The following PCDH15 variants were observed in gnomAD, a reference collection of about 807,000 sequenced individuals.
PCDH15 encodes protocadherin-15.
Under a neutral mutation model 178.5 loss-of-function variants are expected in PCDH15, and 129 were observed. The observed-to-expected ratio is 0.72, with a 90% CI of 0.63 to 0.84. The LOEUF (loss-of-function observed/expected upper bound fraction) is 0.84, where lower values mean the gene tolerates loss of function less well. PCDH15 is among the 40% of genes least tolerant of loss of function. The pLI is 0.00. For synonymous variants in PCDH15, 800 were observed against 732.0 expected (o/e 1.09, Z -1.50); for missense variants, 2,230 against 2,099.9 (o/e 1.06, Z -1.21).
intron 21 of PCDH15, among the ~76,000 whole-genome samples, chr10:53,990,682 T>C (rs1182258593): frequency 6.6e-6 from 1 of 151,984 alleles, no homozygotes; most frequent in East Asian, 1.9e-4. Flanking sequence ...TCTCAGCGCC[T>C]CCTCGGACTC....
intron 1 of PCDH15, among the ~76,000 whole-genome samples, chr10:55,217,623 A>G (rs1295617680): frequency 6.6e-6 from 1 of 151,930 alleles, no homozygotes; most frequent in Non-Finnish European, 1.5e-5. Flanking sequence ...ATAATGCTGA[A>G]TCATAATAGA....
chr10:55,407,964 A>C lies in PCDH15; in HGVS notation c.-156+219661T>G, dbSNP rs567224531. ...GGATGTAGGTGGAGGAGAACATGTAAGCTGCAAAAAGGGATCAAAGGAGAT... is the reference window on the plus strand; with the variant it reads ...GGATGTAGGTGGAGGAGAACATGTACGCTGCAAAAAGGGATCAAAGGAGAT... On this transcript the variant is annotated intron_variant, in intron 2 of 5. Coordinates refer to the PCDH15 transcript ENST00000613346. 2.4e-4 allele frequency among the ~76,000 whole-genome samples: 37 copies of C among 152,234 alleles called. 3 individuals carry two copies. The South Asian group carries it at 7.7e-3, about 32-fold the overall frequency.
At chr10:53,985,462 T>C (rs1382456067) in intron 21 of PCDH15, among the ~76,000 whole-genome samples, 1 of 152,152 alleles carries the variant, frequency 6.6e-6, no homozygotes, top group Non-Finnish European at 1.5e-5. Flanking sequence ...GACTCTGTAG[T>C]AAAGATGGCT....
chr10:54,309,050 C>T (rs1036760023), intron 8 of PCDH15, among the ~76,000 whole-genome samples: 10 of 152,034 alleles, frequency 6.6e-5, no homozygotes, highest in African/African-American at 2.2e-4. Context: ...TCATTGATCA[C>T]TTTGCTGGCC....
At chr10:55,447,430 A>T (rs1035573497) in intron 2 of PCDH15, among the ~76,000 whole-genome samples, 5 of 152,040 alleles carry the variant, frequency 3.3e-5, no homozygotes, top group African/African-American at 1.2e-4. Flanking sequence ...CTTCCTTAAT[A>T]AGCCCTTTGA....
intron 2 of PCDH15, among the ~76,000 whole-genome samples, chr10:54,939,448 C>A: frequency 7.0e-6 from 1 of 143,132 alleles, no homozygotes; most frequent in Non-Finnish European, 1.5e-5. Flanking sequence ...TGAGCCGAGA[C>A]CTCGCCACTG....
At chr10:54,980,044 G>A (rs1839191231) in intron 2 of PCDH15, among the ~76,000 whole-genome samples, 1 of 152,076 alleles carries the variant, frequency 6.6e-6, no homozygotes, top group Non-Finnish European at 1.5e-5. Context: ...CAGTAAATGG[G>A]CAATGATTGG....
chr10:55,299,011 G>A (rs1265375909), intron 1 of PCDH15, among the ~76,000 whole-genome samples: 2 of 152,118 alleles, frequency 1.3e-5, no homozygotes, highest in Admixed American at 1.3e-4. Flanking sequence ...GCAATGAGAT[G>A]GCTACTTACA....
intron 1 of PCDH15, among the ~76,000 whole-genome samples, chr10:55,279,101 C>T (rs1564961894): frequency 6.6e-6 from 1 of 152,268 alleles, no homozygotes; most frequent in East Asian, 1.9e-4. Context: ...GAGTGAGAGC[C>T]ATTCCGTTTA....
intron 18 of PCDH15, among the ~76,000 whole-genome samples, chr10:54,058,650 C>A (rs2093950194): frequency 6.6e-6 from 1 of 151,850 alleles, no homozygotes; most frequent in Non-Finnish European, 1.5e-5. Flanking sequence ...TACAACCAAA[C>A]CATATCTGCT....
At chr10:55,514,555 C>T (rs1002922652) in intron 2 of PCDH15, among the ~76,000 whole-genome samples, 1 of 152,078 alleles carries the variant, frequency 6.6e-6, no homozygotes, top group Non-Finnish European at 1.5e-5. Context: ...CGTAGACAGC[C>T]GTGTAAAAAT....
intron 2 of PCDH15, among the ~76,000 whole-genome samples, chr10:55,033,113 T>C (rs561739696): frequency 6.6e-6 from 1 of 152,212 alleles, no homozygotes; most frequent in African/African-American, 2.4e-5. Context: ...CTTCAAGTGA[T>C]ACCTCAGAGA....
chr10:55,372,016 T>C (rs1483903893), intron 2 of PCDH15, among the ~76,000 whole-genome samples: 1 of 152,116 alleles, frequency 6.6e-6, no homozygotes, highest in Non-Finnish European at 1.5e-5. Context: ...ACAAGTGAGC[T>C]GGAAGCATAG....
At chr10:54,859,761 C>A (rs1953807991) in intron 3 of PCDH15, among the ~76,000 whole-genome samples, 2 of 151,348 alleles carry the variant, frequency 1.3e-5, no homozygotes, top group African/African-American at 4.8e-5. Context: ...AATAAATTTG[C>A]TATGCTGATT....
Position 54,180,416 on chromosome 10 carries a change from G to A in PCDH15, c.1590+3028C>T, listed in dbSNP as rs137961355. The stretch of plus-strand genomic sequence containing the variant: ...TATGCACTCACATCAGGCTAAAAGA[G>A]TCTCATGGCTACATTGAAAATGACA... On this transcript the variant is annotated intron_variant, in intron 13 of 37. Transcript: ENST00000644397. 1.4e-3 allele frequency among the ~76,000 whole-genome samples: 216 copies of A among 152,288 alleles called. 1 individual carries two copies. Among genetic ancestry groups the A allele is most frequent in the African/African-American group, 4.9e-3 (203 of 41,566 alleles).
chr10:54,367,037 A>G (rs1354914321), intron 5 of PCDH15, among the ~76,000 whole-genome samples: 1 of 152,140 alleles, frequency 6.6e-6, no homozygotes, highest in Non-Finnish European at 1.5e-5. Flanking sequence ...ACATGTAAAT[A>G]TTGATTATTT....
chr10:54,931,734 T>A (rs1303477026), intron 2 of PCDH15, among the ~76,000 whole-genome samples: 1 of 152,182 alleles, frequency 6.6e-6, no homozygotes, highest in African/African-American at 2.4e-5. Context: ...TAATAAACCA[T>A]TAATACATAC....
chr10:54,464,168 G>A (rs2077373045), intron 3 of PCDH15, among the ~76,000 whole-genome samples: 1 of 152,144 alleles, frequency 6.6e-6, no homozygotes, highest in Non-Finnish European at 1.5e-5. Context: ...CAAGAGCTGG[G>A]AACACCCTAT....
At chr10:54,939,651 C>CT (rs1411455632) in intron 2 of PCDH15, among the ~76,000 whole-genome samples, 2 of 151,740 alleles carry the variant, frequency 1.3e-5, no homozygotes, top group African/African-American at 4.8e-5. Flanking sequence ...AGTGTTCTTC[C>CT]TTTTTTAATC....
Sources: gnomAD v4.1 joint callset for allele counts (sites outside exome capture counted in the v4.1 genomes callset) on GRCh38, gnomAD v4.1.1 for gene constraint, MANE v1.5 for transcripts, NCBI Gene and HGNC (gene_info 2026-07-23, HGNC 2026-07-21) for gene names.